Variants in FSTL5 observed in about 807,000 individuals in gnomAD.
The protein encoded by FSTL5 is follistatin-related protein 5.
A neutral mutation model predicts 89.1 loss-of-function variants in FSTL5; 62 were observed. That is an observed-to-expected ratio of 0.70 (90% CI 0.57 to 0.86). FSTL5 has a LOEUF of 0.86. Ranked by LOEUF, FSTL5 falls within the 40% of genes least tolerant of loss-of-function variation. The pLI is 0.00. For synonymous variants in FSTL5, 383 were observed against 346.2 expected, an observed-to-expected ratio of 1.11 and a Z score of -1.18; for missense variants, 1,057 against 1,001.6, an observed-to-expected ratio of 1.06 and a Z score of -0.75.
At chr4:161,751,946 A>G (rs778976979) in intron 6 of FSTL5, among the ~76,000 whole-genome samples, 9 of 152,170 alleles carry the variant, frequency 5.9e-5, no homozygotes, top group Non-Finnish European at 1.3e-4. Flanking sequence ...ATTTTATAGT[A>G]GCTATAACAT....
chr4:161,929,603 T>C (rs1255485118), intron 3 of FSTL5, among the ~76,000 whole-genome samples: 2 of 151,448 alleles, frequency 1.3e-5, no homozygotes, highest in Non-Finnish European at 3.0e-5. Flanking sequence ...ACTAAATTAC[T>C]GGAACAATAC....
chr4:161,770,972 T>C (rs748430243), intron 5 of FSTL5, among the ~76,000 whole-genome samples: 15 of 152,126 alleles, frequency 9.9e-5, no homozygotes, highest in Non-Finnish European at 2.1e-4. Flanking sequence ...GCTCCTTAAA[T>C]GAGATGAACA....
At chr4:161,727,208 T>C (rs1021619322) in intron 6 of FSTL5, among the ~76,000 whole-genome samples, 2 of 152,186 alleles carry the variant, frequency 1.3e-5, no homozygotes, top group African/African-American at 4.8e-5. Flanking sequence ...CTTATACATA[T>C]TTTTTGACAA....
intron 11 of FSTL5, among the ~76,000 whole-genome samples, chr4:161,503,645 C>T (rs192750975): frequency 6.6e-6 from 1 of 151,852 alleles, no homozygotes; most frequent in African/African-American, 2.4e-5. Context: ...TTTCAATACA[C>T]CTTTGGAAGT....
chr4:161,573,733 CAAAAAAAAA>C (rs70937664), intron 8 of FSTL5, among the ~76,000 whole-genome samples: 3 of 50,622 alleles, frequency 5.9e-5, no homozygotes, highest in Admixed American at 5.7e-4. Context: ...AACTCCAGCT[CAAAAAAAAA>C]AAAAAAAAAA....
chr4:161,750,885 G>A (rs892888416), intron 6 of FSTL5, among the ~76,000 whole-genome samples: 11 of 152,022 alleles, frequency 7.2e-5, no homozygotes, highest in Non-Finnish European at 1.6e-4. Context: ...AGAATGATTG[G>A]TCAATTCTCA....
At chr4:161,564,377 G>C (rs1732726136) in intron 8 of FSTL5, among the ~76,000 whole-genome samples, 2 of 150,808 alleles carry the variant, frequency 1.3e-5, no homozygotes, top group Non-Finnish European at 3.0e-5. Context: ...ATATATAAAA[G>C]TGTTTTCTTA....
intron 8 of FSTL5, among the ~76,000 whole-genome samples, chr4:161,556,856 A>G (rs901253123): frequency 1.3e-5 from 2 of 150,416 alleles, no homozygotes; most frequent in African/African-American, 2.4e-5. Context: ...GTATATATAT[A>G]TATATAATCC....
intron 6 of FSTL5, among the ~76,000 whole-genome samples, chr4:161,675,789 A>C (rs1737281567): frequency 6.6e-6 from 1 of 152,006 alleles, no homozygotes; most frequent in Admixed American, 6.6e-5. Context: ...ATGAGACGCT[A>C]TCTGATAGAA....
intron 4 of FSTL5, among the ~76,000 whole-genome samples, chr4:161,796,689 T>C (rs1192187617): frequency 6.6e-6 from 1 of 151,746 alleles, no homozygotes; most frequent in African/African-American, 2.4e-5. Context: ...CAGTTCGAAA[T>C]GTATGTGCTC....
Position 161,656,405 on chromosome 4 carries a change from G to C in FSTL5, c.817C>G (p.Gln273Glu). 1 of 1,611,128 alleles carries C rather than the reference G, an allele frequency of 6.2e-7. No individual in the cohort carries two copies. Among genetic ancestry groups the C allele is most frequent in the Non-Finnish European group, 8.5e-7 (1 of 1,177,834 alleles). Residue 273 changes from glutamine (Q) to glutamate (E), a missense_variant, in exon 7 of 16, where the codon CAA (glutamine) becomes GAA (glutamate). Gln to Glu is a conservative substitution (Grantham distance 29). Coordinates refer to ENST00000306100, the MANE Select transcript of FSTL5 (RefSeq NM_020116.5). The stretch of plus-strand genomic sequence containing the variant: ...ATAATGGGAGGTCTCAGGGTTCCTT[G>C]AATGGCACAGCTCAGAACAGCACTT... ...GQSAVLSCAI[Q>E]GTLRPPIIWK...
intron 7 of FSTL5, among the ~76,000 whole-genome samples, chr4:161,598,125 A>C (rs533294005): frequency 6.6e-6 from 1 of 152,296 alleles, no homozygotes; most frequent in Middle Eastern, 3.4e-3. Context: ...TAATCCCAGC[A>C]GTTTGGGAGG....
chr4:161,726,227 C>CT (rs5863477), intron 6 of FSTL5, among the ~76,000 whole-genome samples: 70,070 of 113,226 alleles, frequency 0.62, 23,096 homozygotes, highest in East Asian at 0.82. Flanking sequence ...TTTTCTTTTT[C>CT]TTTTTTTTTT....
intron 3 of FSTL5, among the ~76,000 whole-genome samples, chr4:161,983,182 A>G (rs963180896): frequency 6.6e-6 from 1 of 152,152 alleles, no homozygotes; most frequent in Non-Finnish European, 1.5e-5. Flanking sequence ...CATTCACATC[A>G]ATTATAAGTG....
intron 4 of FSTL5, among the ~76,000 whole-genome samples, chr4:161,867,717 A>G (rs1732136425): frequency 6.6e-6 from 1 of 151,680 alleles, no homozygotes; most frequent in Admixed American, 6.6e-5. Flanking sequence ...ACAAAGTAAT[A>G]AGACCTTATT....
At chr4:161,624,551 G>A (rs1735247974) in intron 7 of FSTL5, among the ~76,000 whole-genome samples, 1 of 151,010 alleles carries the variant, frequency 6.6e-6, no homozygotes, top group Non-Finnish European at 1.5e-5. Context: ...GATTATAGGT[G>A]TACATTTTTT....
chr4:161,598,318 T>C (rs1734103892), intron 7 of FSTL5, among the ~76,000 whole-genome samples: 1 of 152,072 alleles, frequency 6.6e-6, no homozygotes, highest in Admixed American at 6.6e-5. Flanking sequence ...GAGGTTGCAG[T>C]GAGCCAAAAT....
chr4:161,908,075 A>T (rs140726748), intron 4 of FSTL5, among the ~76,000 whole-genome samples: 42 of 152,148 alleles, frequency 2.8e-4, no homozygotes, highest in African/African-American at 9.6e-4. Flanking sequence ...AATGATTTCA[A>T]TGTCCCTGAA....
At chr4:161,626,741 T>G (rs1735330169) in intron 7 of FSTL5, among the ~76,000 whole-genome samples, 1 of 152,204 alleles carries the variant, frequency 6.6e-6, no homozygotes, top group Non-Finnish European at 1.5e-5. Context: ...GATTCACCAT[T>G]CTTGATGCCG....
Sources: allele counts gnomAD v4.1 joint callset (sites outside exome capture counted in the v4.1 genomes callset), GRCh38; gene constraint gnomAD v4.1.1; transcripts MANE v1.5; gene names NCBI Gene and HGNC (gene_info 2026-07-23, HGNC 2026-07-21).